TENM2: variants seen among roughly 807,000 people sequenced by gnomAD.
TENM2 encodes teneurin-2.
TENM2 carries 52 observed loss-of-function variants against 245.2 expected under a neutral mutation model. The ratio of observed to expected loss-of-function variants is 0.21; its 90% CI spans 0.17 to 0.27. The LOEUF is 0.27. TENM2 is among the 10% of genes least tolerant of loss of function. The probability of loss-of-function intolerance (pLI) is 1.00; values close to 1 mark genes in which losing one functional copy is unlikely to be tolerated. For synonymous variants in TENM2, 1,363 were observed against 1,438.9 expected (o/e 0.95, Z 1.19); for missense variants, 3,046 against 3,666.8 (o/e 0.83, Z 4.37).
intron 12 of TENM2, among the ~76,000 whole-genome samples, chr5:168,147,951 C>T (rs1436997273): frequency 6.6e-6 from 1 of 152,134 alleles, no homozygotes; most frequent in Admixed American, 6.5e-5. Context: ...AAGACAGAGG[C>T]TTGTTTGGAA....
At chr5:167,145,185 C>G in the TENM2 span, among the ~76,000 whole-genome samples, 1 of 152,124 alleles carries the variant, frequency 6.6e-6, no homozygotes. Context: ...TCCCTTTTAC[C>G]ATGTAAGGTA....
At chr5:168,196,795 A>G (rs1394010302) in intron 15 of TENM2, among the ~76,000 whole-genome samples, 6 of 152,188 alleles carry the variant, frequency 3.9e-5, no homozygotes, top group African/African-American at 1.4e-4. Context: ...CCTTGAGTCA[A>G]TTGCTGTGAA....
At chr5:167,859,721 C>T (rs796386463) in intron 2 of TENM2, among the ~76,000 whole-genome samples, 8,153 of 81,962 alleles carry the variant, frequency 0.099, 466 homozygotes, top group East Asian at 0.24. Flanking sequence ...CCGCCCCGTC[C>T]GGGAGGGAGG....
At chr5:167,620,549 CTTTTTTTT>C (rs11455974) in intron 2 of TENM2, among the ~76,000 whole-genome samples, 1 of 73,312 alleles carries the variant, frequency 1.4e-5, no homozygotes, top group Non-Finnish European at 2.4e-5. Context: ...TGCTTTTTGG[CTTTTTTTT>C]TTTTTTTTTT....
intron 2 of TENM2, among the ~76,000 whole-genome samples, chr5:167,678,034 T>G (rs1322357038): frequency 1.3e-5 from 2 of 152,046 alleles, no homozygotes; most frequent in African/African-American, 4.8e-5. Flanking sequence ...ATTTGTGGTA[T>G]ATTGTAATTT....
exon 29 of TENM2, chr5:168,262,670 G>A (rs1427350312): frequency 6.2e-7 from 1 of 1,608,750 alleles, no homozygotes; most frequent in Non-Finnish European, 8.5e-7. Flanking sequence ...GACTGAGGGC[G>A]AGAAGCAGCA....
intron 2 of TENM2, among the ~76,000 whole-genome samples, chr5:167,628,567 A>G (rs923230599): frequency 3.9e-5 from 6 of 152,154 alleles, no homozygotes; most frequent in African/African-American, 1.2e-4. Context: ...CTCTCCTGTC[A>G]TAGCCACTGA....
At position 168,173,442 on chromosome 5, in the gene TENM2, G is replaced by A. The variant is rs530153768; in HGVS notation, c.2569+10685G>A. On this transcript the variant is annotated intron_variant, in intron 13 of 28. Transcript: ENST00000518659. ...TATTTCAGACCTGGGACCTAGATTA[G>A]AATGAGTGGAGATGCCTAGGGTACC... is the stretch of plus-strand genomic sequence containing the variant. Among the ~76,000 whole-genome samples the A allele has an allele frequency of 5.3e-5, 8 of 152,268 alleles. No individual in the cohort carries two copies. In the East Asian group the frequency reaches 1.4e-3, roughly 26 times the overall value.
chr5:167,091,706 T>C, the TENM2 span, among the ~76,000 whole-genome samples: 3 of 152,192 alleles, frequency 2.0e-5, no homozygotes, highest in Non-Finnish European at 4.4e-5. Context: ...TTTAAAAAAT[T>C]ACAGTTTTCA....
chr5:167,152,638 A>G, the TENM2 span, among the ~76,000 whole-genome samples: 1 of 152,096 alleles, frequency 6.6e-6, no homozygotes. Flanking sequence ...CTCCCAGTTG[A>G]TACTTGAAAC....
chr5:167,276,232 T>C, the TENM2 span, among the ~76,000 whole-genome samples: 1 of 152,018 alleles, frequency 6.6e-6, no homozygotes, highest in Non-Finnish European at 1.5e-5. Flanking sequence ...AGTAGCTTCA[T>C]AAAATAATTG....
the TENM2 span, among the ~76,000 whole-genome samples, chr5:167,219,461 A>C: frequency 6.6e-6 from 1 of 152,212 alleles, no homozygotes; most frequent in Non-Finnish European, 1.5e-5. Context: ...ACCAGTGCTA[A>C]CAGGCAATAC....
intron 2 of TENM2, among the ~76,000 whole-genome samples, chr5:167,771,360 C>T (rs1326251752): frequency 1.3e-5 from 2 of 152,148 alleles, no homozygotes; most frequent in African/African-American, 4.8e-5. Context: ...TGTGTGTTCA[C>T]TTTTTTTCTA....
intron 3 of TENM2, among the ~76,000 whole-genome samples, chr5:167,893,595 C>T (rs59317250): frequency 0.028 from 4,279 of 150,754 alleles, 199 homozygotes; most frequent in African/African-American, 0.097. Flanking sequence ...TCTTTTTTTC[C>T]GTTGCCACAG....
the TENM2 span, among the ~76,000 whole-genome samples, chr5:167,019,384 A>C: frequency 2.0e-5 from 3 of 152,190 alleles, no homozygotes; most frequent in Admixed American, 6.5e-5. Context: ...TTGTGGAGAA[A>C]TTGTGAAAGA....
intron 4 of TENM2, among the ~76,000 whole-genome samples, chr5:167,990,356 C>T (rs17069519): frequency 6.6e-6 from 1 of 152,138 alleles, no homozygotes. Flanking sequence ...AAAAGCTACT[C>T]ACATGGGCTG....
intron 2 of TENM2, among the ~76,000 whole-genome samples, chr5:167,461,701 A>G (rs1766299066): frequency 6.6e-6 from 1 of 152,218 alleles, no homozygotes; most frequent in Non-Finnish European, 1.5e-5. Context: ...TTCTAAAATC[A>G]GCAACCAAGG....
chr5:167,815,809 G>T (rs1335157364), intron 2 of TENM2, among the ~76,000 whole-genome samples: 3 of 152,086 alleles, frequency 2.0e-5, no homozygotes, highest in Non-Finnish European at 2.9e-5. Context: ...GATCCATATA[G>T]ATGAGAGGGA....
intron 2 of TENM2, among the ~76,000 whole-genome samples, chr5:167,467,568 A>G (rs1766747027): frequency 6.6e-6 from 1 of 151,594 alleles, no homozygotes; most frequent in Non-Finnish European, 1.5e-5. Context: ...ATCTTCAAAG[A>G]TGCCTTTTAA....
Sources: gnomAD v4.1 joint callset for allele counts (sites outside exome capture counted in the v4.1 genomes callset) on GRCh38, gnomAD v4.1.1 for gene constraint, MANE v1.5 for transcripts, NCBI Gene and HGNC (gene_info 2026-07-23, HGNC 2026-07-21) for gene names.